CTRL: variants seen among roughly 807,000 people sequenced by gnomAD.
CTRL encodes the protein chymotrypsin like.
CTRL carries 38 observed loss-of-function variants against 35.5 expected under a neutral mutation model. That is an observed-to-expected ratio of 1.07 (90% confidence interval 0.83 to 1.40). The LOEUF (loss-of-function observed/expected upper bound fraction) is 1.40, where lower values mean the gene tolerates loss of function less well. Among genes scored for constraint, CTRL ranks in the 40% most tolerant of loss-of-function variants. The pLI is 0.00. For synonymous variants in CTRL, 155 were observed against 141.1 expected, an observed-to-expected ratio of 1.10 and a Z score of -0.70; for missense variants, 327 against 342.9, an observed-to-expected ratio of 0.95 and a Z score of 0.37.
chr16:67,931,726 A>G, intron 1 of CTRL, 75 bp downstream of exon 1: 1 of 1,509,772 alleles, frequency 6.6e-7, no homozygotes. Context: ...CAGCCAGCCT[A>G]GCTCCTTCCC....
At position 67,930,574 on chromosome 16, in the gene CTRL, A is replaced by G. The variant is rs1411426684; in HGVS notation, c.333T>C (p.Pro111=). Residue 111 remains proline (P), a synonymous_variant, in exon 5 of 7, where the codon CCT becomes CCC. Coordinates refer to ENST00000574481, the MANE Select transcript of CTRL (RefSeq NM_001907.3). The surrounding 1 kb of genome is among the most constrained non-coding windows in gnomAD (Gnocchi z 4.3). ...TGTTCATGGTGGTAGAGTTCCAGCTAGGGTGTGTAATGGCCTGTGGGGTCA... is the reference window on the plus strand; with the variant it reads ...TGTTCATGGTGGTAGAGTTCCAGCTGGGGTGTGTAATGGCCTGTGGGGTCA... The part of the protein sequence containing the change: ...VLSVSRAITH[P]SWNSTTMNND... The G allele has an allele frequency of 3.7e-6, 6 of 1,613,888 alleles. No homozygotes were observed. The African/African-American group carries it at 4.0e-5, about 11-fold the overall frequency.
rs1364096047 is a variant in CTRL at position 67,930,154 on chromosome 16, A to C, written c.633+31T>G. 6.2e-7 allele frequency: 1 copy of C among 1,613,796 alleles called. No homozygotes were observed. Among genetic ancestry groups the C allele is most frequent in the South Asian group, 1.1e-5 (1 of 91,066 alleles). ...GGGGGTTGGGGAGGTATACCACAGGACAGCGCAGAGGAGCGGGTGCTGGGG... is the reference window on the plus strand; with the variant it reads ...GGGGGTTGGGGAGGTATACCACAGGCCAGCGCAGAGGAGCGGGTGCTGGGG... On this transcript the variant is annotated intron_variant, in intron 6 of 6. Coordinates refer to ENST00000574481, the MANE Select transcript of CTRL (RefSeq NM_001907.3). This position sits in a 1 kb window ranked among gnomAD's most constrained non-coding sequence, Gnocchi z 4.3.
Position 67,930,054 on chromosome 16 carries a change from T to C in CTRL, c.675A>G (p.Thr225=). The C allele has an allele frequency of 1.2e-6, 2 of 1,613,952 alleles. No individual in the cohort carries two copies. The highest frequency in any genetic ancestry group is 1.1e-5 in the South Asian group (1 of 91,074). Residue 225 remains threonine, a synonymous_variant, in exon 7 of 7, where the codon ACA becomes ACG. Coordinates refer to ENST00000574481, the MANE Select transcript of CTRL (RefSeq NM_001907.3). This position sits in a 1 kb window ranked among gnomAD's most constrained non-coding sequence, Gnocchi z 4.3. ...GGPLVCQKGN[T]WVLIGIVSWG... ...AGGAGACAATACCAATAAGCACCCA[T>C]GTGTTTCCCTTCTGGCAGACAAGAG...
In CTRL at chr16:67,930,402, C is replaced by T; in HGVS notation, c.499+6G>A. On this transcript the variant is annotated splice_donor_region_variant and intron_variant, in intron 5 of 6. Coordinates refer to ENST00000574481, the MANE Select transcript of CTRL (RefSeq NM_001907.3). This position sits in a 1 kb window ranked among gnomAD's most constrained non-coding sequence, Gnocchi z 4.3. The stretch of plus-strand genomic sequence containing the variant: ...TCCCACCCTGAGCTTTGGCCTGAGT[C>T]CCTACCCACGCCACTGAGGCGACCC... 6.2e-7 allele frequency: 1 copy of T among 1,613,178 alleles called. No individual in the cohort carries two copies. The highest frequency in any genetic ancestry group is 1.3e-5 in the African/African-American group (1 of 75,026).
At position 67,929,890 on chromosome 16, in the gene CTRL, C is replaced by T. The variant is rs369407441; in HGVS notation, c.*44G>A. ...GACATGAATGCATGATGGGACAGGG[C>T]CTGGGTCTTTAATGGGTTGAGCTGG... On this transcript the variant is annotated 3_prime_UTR_variant, in exon 7 of 7. Transcript: ENST00000574481. 3.3e-3 allele frequency: 5,219 copies of T among 1,597,028 alleles called. 198 individuals are homozygous for T. In the South Asian group the frequency reaches 0.055, roughly 17 times the overall value.
intron 1 of CTRL, 181 bp downstream of exon 1, chr16:67,931,620 C>T (rs1396300804): frequency 1.4e-6 from 1 of 699,400 alleles, no homozygotes; most frequent in Non-Finnish European, 2.4e-6. Flanking sequence ...GACCACCCCA[C>T]CTCTTGCCCC....
At position 67,930,182 on chromosome 16, in the gene CTRL, T is replaced by C; in HGVS notation, c.633+3A>G. On this transcript the variant is annotated splice_donor_region_variant and intron_variant, in intron 6 of 6. Transcript: ENST00000574481. The surrounding 1 kb of genome is among the most constrained non-coding windows in gnomAD (Gnocchi z 4.3). ...GCGCAGAGGAGCGGGTGCTGGGGCT[T>C]ACCTGGCACGAGGAGGCACCTGCGC... 6.2e-7 allele frequency: 1 copy of C among 1,613,816 alleles called. No individual in the cohort carries two copies. Among genetic ancestry groups the C allele is most frequent in the Non-Finnish European group, 8.5e-7 (1 of 1,179,872 alleles).
chr16:67,929,823 G>A lies in CTRL; in HGVS notation c.*111C>T, dbSNP rs1015678816. Reference sequence around the variant, plus strand: ...GTGCCAGAAGTCCAAGTAGGGAGTCGGACCCTCAACAGCCTCTTCTTTCTC... The same window carrying A: ...GTGCCAGAAGTCCAAGTAGGGAGTCAGACCCTCAACAGCCTCTTCTTTCTC... On this transcript the variant is annotated 3_prime_UTR_variant, in exon 7 of 7. Transcript: ENST00000574481. 2.6e-5 allele frequency: 32 copies of A among 1,220,610 alleles called. No homozygotes were observed. Among genetic ancestry groups the A allele is most frequent in the Admixed American group, 2.4e-4 (12 of 49,918 alleles). 75.6% of individuals were successfully genotyped at this position (1,220,610 alleles called of 1,614,324 possible).
chr16:67,930,367 A>T lies in CTRL; in HGVS notation c.499+41T>A. ...CATGGGGCCCAGAACACTGGTCCCC[A>T]CCCCAGTCCTCCCACCCTGAGCTTT... is the stretch of plus-strand genomic sequence containing the variant. On this transcript the variant is annotated intron_variant, in intron 5 of 6. Coordinates refer to ENST00000574481, the MANE Select transcript of CTRL (RefSeq NM_001907.3). This position sits in a 1 kb window ranked among gnomAD's most constrained non-coding sequence, Gnocchi z 4.3. 6.2e-7 allele frequency: 1 copy of T among 1,611,888 alleles called. No individual in the cohort carries two copies. The highest frequency in any genetic ancestry group is 8.5e-7 in the Non-Finnish European group (1 of 1,178,430).
In CTRL at chr16:67,930,764, A is replaced by G; in HGVS notation, c.280T>C (p.Ser94Pro). ...AGAACCTGCAAGGGCTCTGCGTTTG[A>G]TGATCGGTCATACTCGCCCAGGACA... The part of the protein sequence containing the change: ...FVVLGEYDRS[S>P]NAEPLQVLSV... Residue 94 changes from serine to proline, a missense_variant, in exon 4 of 7, where the codon TCA becomes CCA. By Grantham distance (74) the Ser-to-Pro change is moderately conservative. Coordinates refer to ENST00000574481, the MANE Select transcript of CTRL (RefSeq NM_001907.3). The surrounding 1 kb of genome is among the most constrained non-coding windows in gnomAD (Gnocchi z 4.3). The G allele has an allele frequency of 6.2e-7, 1 of 1,614,020 alleles. No individual in the cohort carries two copies. Among genetic ancestry groups the G allele is most frequent in the Non-Finnish European group, 8.5e-7 (1 of 1,179,996 alleles).
intron 1 of CTRL, chr16:67,931,535 A>C: frequency 3.4e-6 from 2 of 587,596 alleles, no homozygotes; most frequent in Non-Finnish European, 6.1e-6. Context: ...AAAGACATGG[A>C]CAGGTCTTCC....
chr16:67,931,126 C>A lies in CTRL; in HGVS notation c.128G>T (p.Gly43Val). Residue 43 changes from glycine to valine, a missense_variant, in exon 2 of 7, where the codon GGC (glycine) becomes GTC (valine). Physicochemically the swap from Gly to Val is moderately radical, Grantham distance 109. Transcript: ENST00000574481. ...CAGGGACACCTGCCAGGGCCAGGAG[C>A]CCAACACTGCATTCTCCCCGTTGAC... ...RIVNGENAVL[G>V]SWPWQVSLQD... 1.2e-6 allele frequency: 2 copies of A among 1,614,106 alleles called. No individual in the cohort carries two copies. The highest frequency in any genetic ancestry group is 1.7e-6 in the Non-Finnish European group (2 of 1,180,016).
chr16:67,929,991 C>T lies in CTRL; in HGVS notation c.738G>A (p.Val246=), dbSNP rs751619178. 8 of 1,614,038 alleles carry T rather than the reference C, an allele frequency of 5.0e-6. No individual in the cohort carries two copies. In the South Asian group the frequency reaches 7.7e-5, roughly 16 times the overall value. The change falls in exon 7 of 7, where the codon GTG becomes GTA. Residue 246 remains valine (V), a synonymous_variant. Coordinates refer to ENST00000574481, the MANE Select transcript of CTRL (RefSeq NM_001907.3). ...TGCTGAACTTGCTAACTCGAGTATA[C>T]ACAGCAGGTGCGCGCACATTGCAGT... ...TKNCNVRAPA[V]YTRVSKFSTW...
At position 67,930,525 on chromosome 16, in the gene CTRL, C is replaced by T. The variant is rs200944618; in HGVS notation, c.382G>A (p.Ala128Thr). The T allele has an allele frequency of 4.6e-5, 74 of 1,614,110 alleles. No individual in the cohort carries two copies. In the Admixed American group the frequency reaches 6.7e-4, roughly 15 times the overall value. ...MNNDVTLLKL[A>T]SPAQYTTRIS... ...CGTGTTGTGTACTGGGCTGGCGAGG[C>T]GAGCTTCAGCAGCGTCACGTCATTG... Residue 128 changes from alanine (A) to threonine (T), a missense_variant, in exon 5 of 7, where the codon GCC (alanine) becomes ACC (threonine). By Grantham distance (58) the Ala-to-Thr change is moderately conservative. Transcript: ENST00000574481. The surrounding 1 kb of genome is among the most constrained non-coding windows in gnomAD (Gnocchi z 4.3).
chr16:67,930,901 G>T lies in CTRL; in HGVS notation c.236+19C>A, dbSNP rs761909135. The T allele has an allele frequency of 5.0e-6, 8 of 1,612,832 alleles. No individual in the cohort carries two copies. The highest frequency in any genetic ancestry group is 6.8e-6 in the Non-Finnish European group (8 of 1,179,842). ...CAGGAAGAGGCGAGGGGCGGGGCAG[G>T]TGGAATGCAGGCACTCACCTGACAT... On this transcript the variant is annotated intron_variant, in intron 3 of 6. Transcript: ENST00000574481. The surrounding 1 kb of genome is among the most constrained non-coding windows in gnomAD (Gnocchi z 4.3).
chr16:67,930,423 G>A lies in CTRL; in HGVS notation c.484C>T (p.Arg162Cys), dbSNP rs769949436. The A allele has an allele frequency of 2.5e-5, 40 of 1,613,798 alleles. No homozygotes were observed. Among genetic ancestry groups the A allele is most frequent in the Admixed American group, 5.0e-5 (3 of 60,004 alleles). Residue 162 changes from arginine (R) to cysteine (C), a missense_variant, in exon 5 of 7, where the codon CGC becomes TGC. Coordinates refer to ENST00000574481, the MANE Select transcript of CTRL (RefSeq NM_001907.3). The surrounding 1 kb of genome is among the most constrained non-coding windows in gnomAD (Gnocchi z 4.3). Reference sequence around the variant, plus strand: ...GAGTCCCTACCCACGCCACTGAGGCGACCCCAGCCGGTGGTGACACACGTG... The same window carrying A: ...GAGTCCCTACCCACGCCACTGAGGCAACCCCAGCCGGTGGTGACACACGTG... ...GLTCVTTGWG[R>C]LSGVGNVTPA...
At position 67,931,813 on chromosome 16, in the gene CTRL, C is replaced by T. The variant is rs377025057; in HGVS notation, c.40G>A (p.Gly14Ser). 2.0e-5 allele frequency: 31 copies of T among 1,569,430 alleles called. No homozygotes were observed. The highest frequency in any genetic ancestry group is 9.5e-5 in the East Asian group (4 of 42,042). ...LSLTLSLVLL[G>S]SSWGCGIPAI... ...CTGGCCCACTCACCCCAGGAGGAGC[C>T]GAGGAGAACCAGGCTTAGGGTCAGG... Residue 14 changes from glycine (G) to serine (S), a missense_variant, in exon 1 of 7, where the codon GGC becomes AGC. Coordinates refer to ENST00000574481, the MANE Select transcript of CTRL (RefSeq NM_001907.3).
In CTRL at chr16:67,930,488, ACTGGCGAGATGCGTGTTGTGTACTGGG is replaced by A. The variant is rs775747112; in HGVS notation, c.392_418del (p.Ala131_Pro139del). Reference sequence around the variant, plus strand: ...AGCCTCGTTTGAGGATGCCAGGCAAACTGGCGAGATGCGTGTTGTGTACTGGGCTGGCGAGGCGAGCTTCAGCAGCGT... The same window carrying A: ...AGCCTCGTTTGAGGATGCCAGGCAAACTGGCGAGGCGAGCTTCAGCAGCGT... On this transcript the variant is annotated inframe_deletion, in exon 5 of 7. Coordinates refer to ENST00000574481, the MANE Select transcript of CTRL (RefSeq NM_001907.3). This position sits in a 1 kb window ranked among gnomAD's most constrained non-coding sequence, Gnocchi z 4.3. The A allele has an allele frequency of 3.1e-6, 5 of 1,614,146 alleles. No homozygotes were observed. Among genetic ancestry groups the A allele is most frequent in the Admixed American group, 1.7e-5 (1 of 60,024 alleles).
rs775707977 is a variant in CTRL, at chr16:67,930,028, C to T, written c.701G>A (p.Trp234Ter). Residue 234 changes from tryptophan to a stop codon, truncating the protein, a stop_gained, in exon 7 of 7, where the codon TGG becomes TAG. Transcript: ENST00000574481. LOFTEE classifies it high-confidence loss of function. This position sits in a 1 kb window ranked among gnomAD's most constrained non-coding sequence, Gnocchi z 4.3. ...NTWVLIGIVS[W>*]GTKNCNVRAP... is the part of the protein sequence containing the mutation. ...GCGCACATTGCAGTTTTTGGTGCCC[C>T]AGGAGACAATACCAATAAGCACCCA... The T allele has an allele frequency of 7.4e-6, 12 of 1,614,108 alleles. No homozygotes were observed. In the Admixed American group the frequency reaches 1.2e-4, roughly 16 times the overall value.
Sources: allele counts gnomAD v4.1 joint callset, GRCh38; gene constraint gnomAD v4.1.1; non-coding constraint Gnocchi (gnomAD v3.1); transcripts MANE v1.5; gene names NCBI Gene and HGNC (gene_info 2026-07-23, HGNC 2026-07-21).